DOCK2: variants seen among roughly 807,000 people sequenced by gnomAD.
DOCK2 encodes dedicator of cytokinesis 2.
DOCK2 carries 87 observed loss-of-function variants against 248.9 expected under a neutral mutation model. The observed-to-expected ratio is 0.35, with a 90% CI of 0.29 to 0.42. The LOEUF (loss-of-function observed/expected upper bound fraction) is 0.42. Among genes scored for constraint, DOCK2 ranks in the 10% least tolerant of loss-of-function variants. The probability of loss-of-function intolerance (pLI) is 1.00; values close to 1 mark genes in which losing one functional copy is unlikely to be tolerated. For missense variants in DOCK2, 1,747 were observed against 2,300.2 expected, an observed-to-expected ratio of 0.76 and a Z score of 4.92; for synonymous variants, 805 against 821.6, an observed-to-expected ratio of 0.98 and a Z score of 0.35.
At chr5:169,657,269 G>T (rs1158777920) in intron 2 of DOCK2, among the ~76,000 whole-genome samples, 3 of 152,066 alleles carry the variant, frequency 2.0e-5, no homozygotes, top group Non-Finnish European at 4.4e-5. Flanking sequence ...CCTTCAGATG[G>T]GGTGTATGGT....
intron 22 of DOCK2, among the ~76,000 whole-genome samples, chr5:169,745,543 A>C (rs1451782988): frequency 1.3e-5 from 2 of 152,186 alleles, no homozygotes; most frequent in Non-Finnish European, 2.9e-5. Flanking sequence ...AGCAGTGTGC[A>C]AAGAGACTGA....
At chr5:170,061,676 G>T (rs1478070108) in intron 44 of DOCK2, among the ~76,000 whole-genome samples, 1 of 152,192 alleles carries the variant, frequency 6.6e-6, no homozygotes, top group Non-Finnish European at 1.5e-5. Flanking sequence ...GTTCCTAATG[G>T]CTATAATGAG....
chr5:169,854,092 G>A (rs747687195), intron 27 of DOCK2, among the ~76,000 whole-genome samples: 3 of 151,364 alleles, frequency 2.0e-5, no homozygotes, highest in African/African-American at 7.3e-5. Flanking sequence ...CAAAGTGCTG[G>A]GATTACAGGT....
chr5:170,050,125 G>A (rs1037378609), intron 40 of DOCK2, 131 bp from the exon 41 acceptor site: 8 of 1,233,058 alleles, frequency 6.5e-6, no homozygotes, highest in Non-Finnish European at 9.1e-6. Context: ...TCCCTGTGGG[G>A]AAACCAAGAG....
rs529710736 is a variant in DOCK2 at position 169,771,258 on chromosome 5, T to C, written c.2554+9633T>C. Among the ~76,000 whole-genome samples the C allele has an allele frequency of 2.6e-5, 4 of 152,340 alleles. No individual in the cohort carries two copies. The South Asian group carries it at 8.3e-4, about 32-fold the overall frequency. ...CCACTCGTGTTTTGTTTCTTTGCTA[T>C]GTCTTTTCATGTCTTTTGACTGTTT... On this transcript the variant is annotated intron_variant, in intron 25 of 51. Transcript: ENST00000520908.
At position 169,782,467 on chromosome 5, in the gene DOCK2, C is replaced by G. The variant is rs113487422; in HGVS notation, c.2555-20591C>G. 7.4e-3 allele frequency among the ~76,000 whole-genome samples: 1,113 copies of G among 151,420 alleles called. 12 individuals carry two copies. The highest frequency in any genetic ancestry group is 0.025 in the Middle Eastern group (7 of 284). On this transcript the variant is annotated intron_variant, in intron 25 of 51. Transcript: ENST00000520908. ...ACTCCTTTCTCTGTCTCCTGCCAAC[C>G]TAGGGGGAGAACACTAGGCAGCTTC...
In DOCK2 at chr5:169,803,159, G is replaced by A. The variant is rs199862297; in HGVS notation, c.2656G>A (p.Val886Ile). 2.2e-4 allele frequency: 358 copies of A among 1,614,006 alleles called. No individual in the cohort carries two copies. The highest frequency in any genetic ancestry group is 2.0e-3 in the Middle Eastern group (12 of 6,084). The change falls in exon 26 of 52, where the codon GTT becomes ATT. Residue 886 changes from valine (V) to isoleucine (I), a missense_variant. Transcript: ENST00000520908. The stretch of plus-strand genomic sequence containing the variant: ...CCAGGTCCTGGAGAGGAAGTACTGC[G>A]TTGAATTGCTCAACAGCATCTTGGA... ...QHQVLERKYC[V>I]ELLNSILEVL...
intron 27 of DOCK2, among the ~76,000 whole-genome samples, chr5:169,978,922 G>A (rs1263555607): frequency 6.6e-6 from 1 of 152,164 alleles, no homozygotes; most frequent in Non-Finnish European, 1.5e-5. Flanking sequence ...GGAGCGAGGT[G>A]ACACTGTCTG....
At chr5:169,717,341 C>A (rs1301877166) in intron 20 of DOCK2, 43 bp from the exon 21 acceptor site, 1 of 1,563,462 alleles carries the variant, frequency 6.4e-7, no homozygotes, top group South Asian at 1.1e-5. Flanking sequence ...GCTTCCTGCC[C>A]TGGGTTTGCC....
chr5:170,078,674 A>G (rs963520793), intron 48 of DOCK2, among the ~76,000 whole-genome samples: 9 of 152,226 alleles, frequency 5.9e-5, no homozygotes, highest in African/African-American at 1.9e-4. Context: ...CTGGATTTGA[A>G]TCCACATTCA....
Position 170,077,916 on chromosome 5 carries a change from G to A in DOCK2, c.4994+79G>A, listed in dbSNP as rs1757894517. On this transcript the variant is annotated intron_variant, in intron 48 of 51. Transcript: ENST00000520908. ...CCCCCCTCCTTCTCTCTCTTCTCCG[G>A]CAACATCCCTTCTACCTTTCCCTTC... is the stretch of plus-strand genomic sequence containing the variant. The A allele has an allele frequency of 1.3e-5, 16 of 1,195,316 alleles. No homozygotes were observed. The South Asian group carries it at 2.0e-4, about 15-fold the overall frequency. The allele number at this position is 1,195,316 out of a possible 1,614,324, so 74.0% of individuals were successfully genotyped here. A position where few individuals can be genotyped will look rare whatever the true frequency, so the allele number is the denominator to read the frequency against.
At chr5:170,004,797 C>G (rs1490308319) in intron 30 of DOCK2, among the ~76,000 whole-genome samples, 1 of 148,744 alleles carries the variant, frequency 6.7e-6, no homozygotes, top group African/African-American at 2.5e-5. Context: ...AACCATCATT[C>G]TCAGTAAACT....
At chr5:169,812,836 A>G (rs1353462208) in intron 26 of DOCK2, among the ~76,000 whole-genome samples, 2 of 152,382 alleles carry the variant, frequency 1.3e-5, no homozygotes, top group Admixed American at 1.3e-4. Flanking sequence ...GGAGAATGCA[A>G]GGCAGGCACT....
chr5:169,761,696 G>A, intron 25 of DOCK2, 71 bp downstream of exon 25: 1 of 1,242,010 alleles, frequency 8.1e-7, no homozygotes, highest in Admixed American at 1.7e-5. Context: ...GGGGAAGCTT[G>A]GCAGGAGAGG....
At chr5:169,995,856 A>T (rs531562223) in intron 29 of DOCK2, among the ~76,000 whole-genome samples, 3 of 152,208 alleles carry the variant, frequency 2.0e-5, no homozygotes, top group South Asian at 4.1e-4. Flanking sequence ...ACATAAGACA[A>T]TGCAAATTTT....
intron 27 of DOCK2, among the ~76,000 whole-genome samples, chr5:169,859,468 G>A (rs775556269): frequency 6.6e-6 from 1 of 152,226 alleles, no homozygotes; most frequent in African/African-American, 2.4e-5. Context: ...TGCAAGCAAT[G>A]CTTGATGGGC....
chr5:169,687,974 G>C (rs1053035718), intron 8 of DOCK2, among the ~76,000 whole-genome samples: 4 of 152,046 alleles, frequency 2.6e-5, no homozygotes, highest in Non-Finnish European at 4.4e-5. Flanking sequence ...ACCCAGACTG[G>C]AGTGCAGTGG....
At chr5:169,688,254 A>G (rs549122764) in intron 8 of DOCK2, among the ~76,000 whole-genome samples, 3 of 152,232 alleles carry the variant, frequency 2.0e-5, no homozygotes, top group Non-Finnish European at 4.4e-5. Context: ...AGATGCATCC[A>G]GCTGTTTCCT....
intron 22 of DOCK2, among the ~76,000 whole-genome samples, chr5:169,728,870 CT>C (rs1431323272): frequency 6.6e-6 from 1 of 152,158 alleles, no homozygotes; most frequent in Admixed American, 6.5e-5. Context: ...TTCCACCTCC[CT>C]TTAAATGGTG....
Sources: gnomAD v4.1 joint callset for allele counts (sites outside exome capture counted in the v4.1 genomes callset) on GRCh38, gnomAD v4.1.1 for gene constraint, MANE v1.5 for transcripts, NCBI Gene and HGNC (gene_info 2026-07-23, HGNC 2026-07-21) for gene names.